TANC1: variants seen among roughly 807,000 people sequenced by gnomAD.
TANC1 encodes the protein tetratricopeptide repeat, ankyrin repeat and coiled-coil containing 1, also known as protein TANC1.
TANC1 carries 77 observed loss-of-function variants against 149.7 expected under a neutral mutation model. The observed-to-expected ratio is 0.51, with a 90% CI of 0.43 to 0.62. TANC1 has a LOEUF of 0.62. Among genes scored for constraint, TANC1 ranks in the 20% least tolerant of loss-of-function variants. The pLI, the probability that TANC1 is intolerant of heterozygous loss-of-function variation, is 0.00. For missense variants in TANC1, 1,985 were observed against 2,321.8 expected, an observed-to-expected ratio of 0.85 and a Z score of 2.98; for synonymous variants, 854 against 925.0, an observed-to-expected ratio of 0.92 and a Z score of 1.39.
At chr2:159,066,397 G>C (rs2042670182) in intron 3 of TANC1, among the ~76,000 whole-genome samples, 1 of 152,154 alleles carries the variant, frequency 6.6e-6, no homozygotes, top group East Asian at 1.9e-4. Context: ...CTGGGCAACA[G>C]AGCCAGACCC....
At chr2:159,030,108 T>C (rs915358885) in intron 2 of TANC1, among the ~76,000 whole-genome samples, 1 of 152,156 alleles carries the variant, frequency 6.6e-6, no homozygotes, top group Non-Finnish European at 1.5e-5. Context: ...CATTGAGAAG[T>C]GTTGACACTG....
intron 1 of TANC1, among the ~76,000 whole-genome samples, chr2:158,992,748 C>T (rs771758211): frequency 5.1e-4 from 76 of 148,248 alleles, no homozygotes; most frequent in Non-Finnish European, 7.2e-4. Flanking sequence ...TCTCGATCTC[C>T]TGACCTCGTG....
At chr2:159,203,966 A>G (rs1458196154) in intron 19 of TANC1, among the ~76,000 whole-genome samples, 2 of 152,156 alleles carry the variant, frequency 1.3e-5, no homozygotes, top group Non-Finnish European at 2.9e-5. Context: ...TGCCCAATAG[A>G]ACTTTCCGTA....
Position 159,074,021 on chromosome 2 carries a change from G to T in TANC1, c.61+8050G>T, listed in dbSNP as rs562181498. 3.3e-5 allele frequency among the ~76,000 whole-genome samples: 5 copies of T among 152,316 alleles called. No individual in the cohort carries two copies. In the South Asian group the frequency reaches 1.0e-3, roughly 32 times the overall value. ...GAGGGTGGCCATCAGGTGACCAGCT[G>T]GGTAGCCCTAGCTCTGGATCAGCAT... On this transcript the variant is annotated intron_variant, in intron 3 of 26. Coordinates refer to ENST00000263635, the MANE Select transcript of TANC1 (RefSeq NM_033394.3).
At position 159,186,889 on chromosome 2, in the gene TANC1, C is replaced by G; in HGVS notation, c.2620-13C>G. ...CTCTGATTGTTTCCAAGATCTGTCTCGATTGTTTCCAGGGCCTCAGTAAGA... is the reference window on the plus strand; with the variant it reads ...CTCTGATTGTTTCCAAGATCTGTCTGGATTGTTTCCAGGGCCTCAGTAAGA... On this transcript the variant is annotated splice_polypyrimidine_tract_variant and intron_variant, in intron 15 of 26. Transcript: ENST00000263635. 6.2e-7 allele frequency: 1 copy of G among 1,614,112 alleles called. No homozygotes were observed. The highest frequency in any genetic ancestry group is 2.2e-5 in the East Asian group (1 of 44,890).
chr2:159,100,186 A>G (rs2046539809), intron 4 of TANC1, among the ~76,000 whole-genome samples: 1 of 152,224 alleles, frequency 6.6e-6, no homozygotes. Context: ...AAATGAATTA[A>G]TGTTGCTTGG....
chr2:159,096,189 A>C (rs2046109536), intron 3 of TANC1, among the ~76,000 whole-genome samples: 1 of 152,076 alleles, frequency 6.6e-6, no homozygotes, highest in Non-Finnish European at 1.5e-5. Flanking sequence ...TTCCCTGCAC[A>C]TCCTCAGTTC....
chr2:159,041,265 T>TC (rs1297103210), intron 2 of TANC1, among the ~76,000 whole-genome samples: 3 of 152,212 alleles, frequency 2.0e-5, no homozygotes, highest in Non-Finnish European at 4.4e-5. Flanking sequence ...AGGCAATCTG[T>TC]CCATTCTCAG....
At chr2:159,048,479 C>T (rs997140828) in intron 2 of TANC1, among the ~76,000 whole-genome samples, 2 of 152,032 alleles carry the variant, frequency 1.3e-5, no homozygotes, top group Admixed American at 6.5e-5. Context: ...AAATGGAATG[C>T]CGTACAGGAA....
At chr2:159,003,999 G>C (rs921315525) in intron 2 of TANC1, 1 of 1,612,314 alleles carries the variant, frequency 6.2e-7, no homozygotes, top group Non-Finnish European at 8.5e-7. Flanking sequence ...GAATAATATA[G>C]CTGGTATTGA....
At chr2:159,186,029 C>T (rs1347651121) in intron 15 of TANC1, 130 bp downstream of exon 15, 3 of 656,844 alleles carry the variant, frequency 4.6e-6, no homozygotes, top group Non-Finnish European at 8.1e-6. Context: ...GCAACCTCCT[C>T]CTGCCTCCCC....
chr2:159,207,733 CAGACTT>C (rs2058726354), intron 19 of TANC1, among the ~76,000 whole-genome samples: 1 of 113,886 alleles, frequency 8.8e-6, no homozygotes, highest in African/African-American at 3.5e-5. Flanking sequence ...AAAAACAACT[CAGACTT>C]AGCCACACTC....
chr2:159,019,968 CGCT>C, intron 2 of TANC1, among the ~76,000 whole-genome samples: 1 of 152,090 alleles, frequency 6.6e-6, no homozygotes, highest in East Asian at 1.9e-4. Context: ...TCTTTCCAAG[CGCT>C]GCCAAGAGTT....
chr2:159,022,035 T>C (rs1270623612), intron 2 of TANC1, among the ~76,000 whole-genome samples: 1 of 152,214 alleles, frequency 6.6e-6, no homozygotes, highest in Non-Finnish European at 1.5e-5. Context: ...GTTTCAGAAC[T>C]GTGGAAAAAA....
chr2:159,119,434 T>C (rs1331050875), intron 4 of TANC1, among the ~76,000 whole-genome samples: 1 of 152,170 alleles, frequency 6.6e-6, no homozygotes, highest in African/African-American at 2.4e-5. Flanking sequence ...TTTCAGTTGG[T>C]TTTAAAAAAA....
At position 159,116,283 on chromosome 2, in the gene TANC1, T is replaced by C. The variant is rs529730011; in HGVS notation, c.259+18449T>C. Among the ~76,000 whole-genome samples, 13 of 152,060 alleles carry C rather than the reference T, an allele frequency of 8.5e-5. No individual in the cohort carries two copies. The South Asian group carries it at 2.1e-3, about 24-fold the overall frequency. On this transcript the variant is annotated intron_variant, in intron 4 of 26. Transcript: ENST00000263635. ...CTACTAAAAATACAAAAAAATTAGC[T>C]GGGTGTGGTGGCAGATGCCTGTAAT... is the stretch of plus-strand genomic sequence containing the variant.
intron 2 of TANC1, among the ~76,000 whole-genome samples, chr2:159,031,130 AT>A (rs545059649): frequency 6.0e-4 from 91 of 152,334 alleles, no homozygotes; most frequent in Non-Finnish European, 9.6e-4. Flanking sequence ...CTAGAGGGTG[AT>A]TTAGGCCTGT....
chr2:159,109,672 G>C (rs185189369), intron 4 of TANC1, among the ~76,000 whole-genome samples: 181 of 152,322 alleles, frequency 1.2e-3, no homozygotes, highest in African/African-American at 4.3e-3. Context: ...CTGAAATCCA[G>C]CTCTTTCCAG....
chr2:159,091,968 G>GT (rs1307200086), intron 3 of TANC1, among the ~76,000 whole-genome samples: 4 of 146,712 alleles, frequency 2.7e-5, no homozygotes, highest in Admixed American at 6.7e-5. Flanking sequence ...ATATAGGGGG[G>GT]GGTGTGTGTG....
Sources: gnomAD v4.1 joint callset for allele counts (sites outside exome capture counted in the v4.1 genomes callset) on GRCh38, gnomAD v4.1.1 for gene constraint, MANE v1.5 for transcripts, NCBI Gene and HGNC (gene_info 2026-07-23, HGNC 2026-07-21) for gene names.